ITPK1: variants seen among roughly 807,000 people sequenced by gnomAD.
The protein encoded by ITPK1 is inositol 1,3,4-trisphosphate 5/6-kinase.
ITPK1 carries 21 observed loss-of-function variants against 45.3 expected under a neutral mutation model. That is an observed-to-expected ratio of 0.46 (90% CI 0.33 to 0.67). The LOEUF is 0.67. Ranked by LOEUF, ITPK1 falls within the 30% of genes least tolerant of loss-of-function variation. The probability of loss-of-function intolerance (pLI) is 0.02; values close to 1 mark genes in which losing one functional copy is unlikely to be tolerated. For missense variants in ITPK1, 474 were observed against 573.5 expected, an observed-to-expected ratio of 0.83 and a Z score of 1.77; for synonymous variants, 258 against 253.6, an observed-to-expected ratio of 1.02 and a Z score of -0.16.
intron 9 of ITPK1, among the ~76,000 whole-genome samples, chr14:92,947,260 T>C (rs1007047893): frequency 2.0e-5 from 3 of 152,250 alleles, no homozygotes; most frequent in Non-Finnish European, 2.9e-5. Context: ...TGCTCCTGCC[T>C]GCCTCCTGGG....
chr14:93,003,276 C>T (rs1049359120), intron 4 of ITPK1, among the ~76,000 whole-genome samples: 1 of 152,212 alleles, frequency 6.6e-6, no homozygotes, highest in Non-Finnish European at 1.5e-5. Flanking sequence ...CCAAGCAATG[C>T]TTTCTGGGAA....
At chr14:93,042,504 G>A (rs1397677759) in intron 3 of ITPK1, among the ~76,000 whole-genome samples, 2 of 152,114 alleles carry the variant, frequency 1.3e-5, no homozygotes, top group African/African-American at 2.4e-5. Flanking sequence ...GGTGCTGATC[G>A]GATACCCCTA....
rs188592767 is a variant in ITPK1, at chr14:93,098,283, C to T, written c.95+16786G>A. Among the ~76,000 whole-genome samples the T allele has an allele frequency of 2.7e-4, 41 of 152,030 alleles. No homozygotes were observed. The East Asian group carries it at 7.2e-3, about 27-fold the overall frequency. ...CATCCTGGCTAACACAGTGAAACCCCGTCTCTACTAAAACTACAAAAAAAG... is the reference window on the plus strand; with the variant it reads ...CATCCTGGCTAACACAGTGAAACCCTGTCTCTACTAAAACTACAAAAAAAG... On this transcript the variant is annotated intron_variant, in intron 2 of 10. Transcript: ENST00000267615.
intron 3 of ITPK1, among the ~76,000 whole-genome samples, chr14:93,027,311 C>A (rs540385293): frequency 6.6e-6 from 1 of 152,192 alleles, no homozygotes; most frequent in African/African-American, 2.4e-5. Context: ...GAAGAGCACA[C>A]GTTTGGAGTC....
At chr14:92,948,796 G>A (rs914425599) in intron 9 of ITPK1, among the ~76,000 whole-genome samples, 21 of 151,406 alleles carry the variant, frequency 1.4e-4, no homozygotes, top group South Asian at 4.2e-4. Context: ...ACGCCCGGGC[G>A]CCGCCCACGC....
At chr14:93,024,249 C>T (rs554825331) in intron 3 of ITPK1, among the ~76,000 whole-genome samples, 5 of 152,288 alleles carry the variant, frequency 3.3e-5, no homozygotes, top group East Asian at 3.9e-4. Flanking sequence ...CCATGGCTGG[C>T]CAGTGCTCTT....
At chr14:93,000,974 TAAAAAAAAAAAAA>T (rs201265189) in intron 4 of ITPK1, among the ~76,000 whole-genome samples, 34,307 of 82,132 alleles carry the variant, frequency 0.42, 4,609 homozygotes, top group East Asian at 0.49. Flanking sequence ...AGACTCCAAC[TAAAAAAAAAAAAA>T]AAAAAAAAAA....
chr14:92,990,992 C>G (rs1267008373), intron 5 of ITPK1, among the ~76,000 whole-genome samples: 1 of 152,000 alleles, frequency 6.6e-6, no homozygotes, highest in African/African-American at 2.4e-5. Context: ...GAAAACAGAG[C>G]AGTCTTACTG....
intron 3 of ITPK1, among the ~76,000 whole-genome samples, chr14:93,048,264 C>T (rs1045371820): frequency 1.3e-5 from 2 of 152,212 alleles, no homozygotes; most frequent in African/African-American, 2.4e-5. Flanking sequence ...CAAGCGCCTT[C>T]GGCCTTCAAA....
At chr14:93,111,166 T>C (rs924358515) in intron 2 of ITPK1, among the ~76,000 whole-genome samples, 1 of 152,158 alleles carries the variant, frequency 6.6e-6, no homozygotes, top group Non-Finnish European at 1.5e-5. Context: ...AAATTTTATA[T>C]GGAAAGCTTC....
intron 4 of ITPK1, among the ~76,000 whole-genome samples, chr14:93,000,118 G>A (rs1016713632): frequency 6.6e-6 from 1 of 152,238 alleles, no homozygotes; most frequent in African/African-American, 2.4e-5. Context: ...TCACGGCATG[G>A]TGTAGTGTAT....
intron 4 of ITPK1, among the ~76,000 whole-genome samples, chr14:93,005,206 C>T (rs1485040177): frequency 6.6e-6 from 1 of 151,988 alleles, no homozygotes; most frequent in African/African-American, 2.4e-5. Flanking sequence ...GTGTGCTGGA[C>T]CTCACTGTTC....
chr14:92,963,850 C>A (rs1470975276), intron 5 of ITPK1, among the ~76,000 whole-genome samples: 1 of 152,196 alleles, frequency 6.6e-6, no homozygotes, highest in Non-Finnish European at 1.5e-5. Flanking sequence ...GATAAGACCA[C>A]AAAGGTGGGA....
chr14:92,964,384 GGGGAAGTCA>G (rs939132746), intron 5 of ITPK1, among the ~76,000 whole-genome samples: 1 of 152,220 alleles, frequency 6.6e-6, no homozygotes, highest in Admixed American at 6.5e-5. Flanking sequence ...GCACAGGAGA[GGGGAAGTCA>G]GGAAAGTCAG....
At chr14:93,029,207 C>T (rs928630821) in intron 3 of ITPK1, among the ~76,000 whole-genome samples, 14 of 152,270 alleles carry the variant, frequency 9.2e-5, no homozygotes, top group East Asian at 5.8e-4. Flanking sequence ...TGAGGGAACT[C>T]GTGGAAGGTC....
At position 93,016,898 on chromosome 14, in the gene ITPK1, C is replaced by T. The variant is rs2295391; in HGVS notation, c.121-97G>A. The T allele has an allele frequency of 4.6e-6, 7 of 1,512,940 alleles. No individual in the cohort carries two copies. Among genetic ancestry groups the T allele is most frequent in the African/African-American group, 1.4e-5 (1 of 73,022 alleles). The allele number at this position is 1,512,940 out of a possible 1,614,324, so 93.7% of individuals were successfully genotyped here. A position where few individuals can be genotyped will look rare whatever the true frequency, so the allele number is the denominator to read the frequency against. ...ACCCTGGGGCATATCACCAGAGGAC[C>T]CTCGAGCCTCCCTGTAGCACTCTGG... is the stretch of plus-strand genomic sequence containing the variant. On this transcript the variant is annotated intron_variant, in intron 3 of 10. Coordinates refer to ENST00000267615, the MANE Select transcript of ITPK1 (RefSeq NM_014216.6). The surrounding 1 kb of genome is among the most constrained non-coding windows in gnomAD (Gnocchi z 5.0).
At chr14:93,069,658 C>G (rs1297620358) in intron 3 of ITPK1, 1 of 152,932 alleles carries the variant, frequency 6.5e-6, no homozygotes, top group African/African-American at 2.4e-5. Flanking sequence ...TGCCAGTGGG[C>G]ATCCCCACAG....
At chr14:93,064,139 C>T (rs143175842) in intron 3 of ITPK1, among the ~76,000 whole-genome samples, 1,724 of 152,248 alleles carry the variant, frequency 0.011, 17 homozygotes, top group South Asian at 0.019. Context: ...AAAAATTAGC[C>T]GGGCGTGGTG....
intron 8 of ITPK1, among the ~76,000 whole-genome samples, chr14:92,953,439 G>A (rs963803085): frequency 6.6e-6 from 1 of 152,238 alleles, no homozygotes; most frequent in African/African-American, 2.4e-5. Flanking sequence ...CCAAGGCACC[G>A]ACAGCCAAGA....
Sources: allele counts gnomAD v4.1 joint callset (sites outside exome capture counted in the v4.1 genomes callset), GRCh38; gene constraint gnomAD v4.1.1; non-coding constraint Gnocchi (gnomAD v3.1); transcripts MANE v1.5; gene names NCBI Gene and HGNC (gene_info 2026-07-23, HGNC 2026-07-21).